Variants in SLC41A3 observed in about 807,000 individuals in gnomAD.
The protein encoded by SLC41A3 is SLC41A1-like 2.
SLC41A3 carries 44 observed loss-of-function variants against 45.4 expected under a neutral mutation model. The observed-to-expected ratio is 0.97, with a 90% CI of 0.76 to 1.25. The LOEUF is 1.25. Ranked by LOEUF, SLC41A3 falls within the 50% of genes most tolerant of loss-of-function variation. SLC41A3 has a pLI of 0.00. For synonymous variants in SLC41A3, 256 were observed against 252.4 expected, an observed-to-expected ratio of 1.01 and a Z score of -0.13; for missense variants, 550 against 600.6, an observed-to-expected ratio of 0.92 and a Z score of 0.88.
intron 8 of SLC41A3, among the ~76,000 whole-genome samples, chr3:126,014,897 T>C (rs1368825873): frequency 1.3e-5 from 2 of 152,052 alleles, no homozygotes; most frequent in African/African-American, 4.8e-5. Context: ...GGTGTAGGCC[T>C]AGGAGGTAAG....
chr3:126,058,749 A>G (rs1943829201), intron 2 of SLC41A3, among the ~76,000 whole-genome samples: 1 of 152,184 alleles, frequency 6.6e-6, no homozygotes, highest in African/African-American at 2.4e-5. Context: ...GACCCCTTGC[A>G]ATCTGGAAAG....
rs193003926 is a variant in SLC41A3 at position 126,009,922 on chromosome 3, C to T, written c.1106-1042G>A. Among the ~76,000 whole-genome samples, 15 of 152,240 alleles carry T rather than the reference C, an allele frequency of 9.9e-5. No homozygotes were observed. The East Asian group carries it at 2.1e-3, about 22-fold the overall frequency. ...AAATAACAAGTTAGAAAATATAACA[C>T]GGAGTCTGACTTCTGAACAAATGGG... On this transcript the variant is annotated intron_variant, in intron 9 of 10. Transcript: ENST00000360370.
rs547154211 is a variant in SLC41A3 at position 126,078,603 on chromosome 3, C to G, written c.-28+5490G>C. On this transcript the variant is annotated intron_variant, in intron 1 of 10. Coordinates refer to ENST00000360370, the MANE Select transcript of SLC41A3 (RefSeq NM_017836.4). Reference sequence around the variant, plus strand: ...TTCAAAAAATAACAGACACAGCTACCGATGACCTATGCAGTATGCCTTTAC... The same window carrying G: ...TTCAAAAAATAACAGACACAGCTACGGATGACCTATGCAGTATGCCTTTAC... Among the ~76,000 whole-genome samples, 3 of 152,276 alleles carry G rather than the reference C, an allele frequency of 2.0e-5. No individual in the cohort carries two copies. In the South Asian group the frequency reaches 6.2e-4, roughly 32 times the overall value.
At chr3:126,056,513 C>T (rs746195080) in intron 2 of SLC41A3, 1 of 1,614,100 alleles carries the variant, frequency 6.2e-7, no homozygotes, top group Non-Finnish European at 8.5e-7. Context: ...AGCTTCTTGC[C>T]CTGAAAGCAA....
intron 1 of SLC41A3, among the ~76,000 whole-genome samples, chr3:126,074,172 T>C (rs1944764786): frequency 6.6e-6 from 1 of 151,960 alleles, no homozygotes; most frequent in Admixed American, 6.5e-5. Context: ...TTTGGGTTTC[T>C]CATAGATGCC....
chr3:126,024,288 TC>T (rs1296287954), intron 5 of SLC41A3: 1 of 152,238 alleles, frequency 6.6e-6, no homozygotes, highest in Non-Finnish European at 1.5e-5. Flanking sequence ...TCTCTACAAG[TC>T]CCTGCAAAGA....
intron 3 of SLC41A3, among the ~76,000 whole-genome samples, chr3:126,048,795 A>G (rs1943131467): frequency 6.6e-6 from 1 of 152,124 alleles, no homozygotes. Flanking sequence ...TTCCAGGGAG[A>G]TGGAGATGTT....
At chr3:126,081,107 C>T (rs890668216) in intron 1 of SLC41A3, among the ~76,000 whole-genome samples, 6 of 152,162 alleles carry the variant, frequency 3.9e-5, no homozygotes, top group African/African-American at 1.4e-4. Context: ...TATGGATCAA[C>T]CTAAGTTTCC....
chr3:126,022,850 G>T lies in SLC41A3; in HGVS notation c.681C>A (p.Ser227Arg). Residue 227 changes from serine (S) to arginine (R), a missense_variant, in exon 6 of 11, where the codon AGC (serine) becomes AGA (arginine). Coordinates refer to ENST00000360370, the MANE Select transcript of SLC41A3 (RefSeq NM_017836.4). Reference sequence around the variant, plus strand: ...TGGACAGTGTGATGAGGTCTCCCAGGCTGGCTGCAATGGGCGTGGCAATGT... The same window carrying T: ...TGGACAGTGTGATGAGGTCTCCCAGTCTGGCTGCAATGGGCGTGGCAATGT... ...PDNIATPIAA[S>R]LGDLITLSIL... 6.2e-7 allele frequency: 1 copy of T among 1,614,216 alleles called. No homozygotes were observed. The highest frequency in any genetic ancestry group is 8.5e-7 in the Non-Finnish European group (1 of 1,180,038).
intron 6 of SLC41A3, among the ~76,000 whole-genome samples, chr3:126,019,807 C>T (rs1285662157): frequency 6.6e-6 from 1 of 152,012 alleles, no homozygotes; most frequent in African/African-American, 2.4e-5. Context: ...GTGCTCAGTC[C>T]ACCCAGCTCT....
Position 126,006,716 on chromosome 3 carries a change from C to A in SLC41A3, c.*300G>T. Reference sequence around the variant, plus strand: ...GCATACTGGACATGCCTCTTCTTTACCTTCTCAGGCCAGAACACCCTCCTC... The same window carrying A: ...GCATACTGGACATGCCTCTTCTTTAACTTCTCAGGCCAGAACACCCTCCTC... On this transcript the variant is annotated 3_prime_UTR_variant, in exon 11 of 11. Coordinates refer to ENST00000360370, the MANE Select transcript of SLC41A3 (RefSeq NM_017836.4). 6.9e-7 allele frequency: 1 copy of A among 1,450,924 alleles called. No individual in the cohort carries two copies. Among genetic ancestry groups the A allele is most frequent in the South Asian group, 1.5e-5 (1 of 66,276 alleles). The allele number at this position is 1,450,924 out of a possible 1,614,324, so 89.9% of individuals were successfully genotyped here. A position where few individuals can be genotyped will look rare whatever the true frequency, so the allele number is the denominator to read the frequency against.
At chr3:126,060,900 C>G (rs1944029806) in intron 2 of SLC41A3, among the ~76,000 whole-genome samples, 1 of 152,228 alleles carries the variant, frequency 6.6e-6, no homozygotes, top group Non-Finnish European at 1.5e-5. Context: ...GCTCACCCAT[C>G]AGGGGCACCA....
chr3:126,095,312 T>A (rs1945575342), intron 1 of SLC41A3: 1 of 638,092 alleles, frequency 1.6e-6, no homozygotes. Flanking sequence ...TTGAGGCTGA[T>A]GCTCAGGAGG....
intron 2 of SLC41A3, chr3:126,056,411 G>A: frequency 6.2e-7 from 1 of 1,614,204 alleles, no homozygotes; most frequent in Non-Finnish European, 8.5e-7. Context: ...CCGGACAGCA[G>A]AATGGGCACC....
In SLC41A3 at chr3:126,026,438, C is replaced by T. The variant is rs916377598; in HGVS notation, c.495G>A (p.Ala165=). 28 of 1,600,302 alleles carry T rather than the reference C, an allele frequency of 1.7e-5. No homozygotes were observed. Among genetic ancestry groups the T allele is most frequent in the East Asian group, 1.1e-4 (5 of 44,414 alleles). Residue 165 remains alanine, a synonymous_variant, in exon 5 of 11, where the codon GCG becomes GCA. Transcript: ENST00000360370. The surrounding 1 kb of genome is among the most constrained non-coding windows in gnomAD (Gnocchi z 4.2). The part of the protein sequence containing the change: ...TVVGLLAAVA[A]LLLGVVSREE... ...CTCGAGACACCACGCCCAACAGCAG[C>T]GCAGCCACAGCAGCCAAGAGCCCCA...
At chr3:126,071,772 CTTT>C (rs59182198) in intron 1 of SLC41A3, among the ~76,000 whole-genome samples, 4 of 142,908 alleles carry the variant, frequency 2.8e-5, no homozygotes, top group African/African-American at 2.6e-5. Context: ...AATTAAACAA[CTTT>C]TTTTTTTTTT....
intron 6 of SLC41A3, 39 bp from the exon 7 acceptor site, chr3:126,016,914 AAGGCCAGCACACAC>A: frequency 6.2e-7 from 1 of 1,602,736 alleles, no homozygotes; most frequent in Non-Finnish European, 8.5e-7. Context: ...TCATGTGGCC[AAGGCCAGCACACAC>A]AGGCTGGGCC....
At position 126,059,263 on chromosome 3, in the gene SLC41A3, G is replaced by GAAGA. The variant is rs1553740748; in HGVS notation, c.274-8217_274-8214dup. Among the ~76,000 whole-genome samples the GAAGA allele has an allele frequency of 4.1e-3, 48 of 11,750 alleles. 3 individuals carry two copies. Among genetic ancestry groups the GAAGA allele is most frequent in the African/African-American group, 0.019 (47 of 2,488 alleles). 7.7% of individuals were successfully genotyped at this position (11,750 alleles called of 152,430 possible). On this transcript the variant is annotated intron_variant, in intron 2 of 10. Transcript: ENST00000360370. ...AGAAAGAAAGAAAGAAAGAAAGAAA[G>GAAGA]AAGAAAGAAAGAAAGAAAGAAAGAA...
intron 3 of SLC41A3, among the ~76,000 whole-genome samples, chr3:126,048,073 A>C (rs1943080531): frequency 6.6e-6 from 1 of 152,210 alleles, no homozygotes; most frequent in South Asian, 2.1e-4. Flanking sequence ...AAAGGACTTG[A>C]ATAGACAGTT....
Sources: gnomAD v4.1 joint callset for allele counts (sites outside exome capture counted in the v4.1 genomes callset) on GRCh38, gnomAD v4.1.1 for gene constraint, Gnocchi (gnomAD v3.1) non-coding constraint, MANE v1.5 for transcripts, NCBI Gene and HGNC (gene_info 2026-07-23, HGNC 2026-07-21) for gene names.